Variants in PDE9A observed in about 807,000 individuals in gnomAD.
PDE9A encodes high affinity cGMP-specific 3',5'-cyclic phosphodiesterase 9A.
Under a neutral mutation model 87.4 loss-of-function variants are expected in PDE9A, and 60 were observed. That is an observed-to-expected ratio of 0.69 (90% confidence interval 0.56 to 0.85). PDE9A has a LOEUF of 0.85. Among genes scored for constraint, PDE9A ranks in the 40% least tolerant of loss-of-function variants. The pLI, the probability that PDE9A is intolerant of heterozygous loss-of-function variation, is 0.00. For synonymous variants in PDE9A, 272 were observed against 279.4 expected, an observed-to-expected ratio of 0.97 and a Z score of 0.27; for missense variants, 665 against 779.0, an observed-to-expected ratio of 0.85 and a Z score of 1.74.
Position 42,722,230 on chromosome 21 carries a change from C to A in PDE9A, c.263-9540C>A, listed in dbSNP as rs2050609678. Among the ~76,000 whole-genome samples the A allele has an allele frequency of 1.3e-5, 2 of 152,166 alleles. No homozygotes were observed. The highest frequency in any genetic ancestry group is 2.9e-5 in the Non-Finnish European group (2 of 68,022). On this transcript the variant is annotated intron_variant, in intron 4 of 19. Transcript: ENST00000291539. This position sits in a 1 kb window ranked among gnomAD's most constrained non-coding sequence, Gnocchi z 4.1. ...TGACCTCATGATCCGCCCACCTCAG[C>A]CTCCAGAAGTGCTGAGATTACAGGC...
intron 4 of PDE9A, among the ~76,000 whole-genome samples, chr21:42,718,878 G>A (rs575267370): frequency 3.3e-5 from 5 of 151,836 alleles, no homozygotes; most frequent in African/African-American, 1.2e-4. Flanking sequence ...GAGAGACATT[G>A]GATTTTGTTA....
chr21:42,665,580 C>G (rs535046977), intron 1 of PDE9A, among the ~76,000 whole-genome samples: 2 of 152,308 alleles, frequency 1.3e-5, no homozygotes, highest in South Asian at 4.1e-4. Context: ...TGGCCACCCC[C>G]GACCTTGCTC....
intron 10 of PDE9A, chr21:42,758,651 TGGTGCAG>T: frequency 4.1e-6 from 1 of 244,350 alleles, no homozygotes; most frequent in Non-Finnish European, 8.1e-6. Context: ...AATTCCTTTT[TGGTGCAG>T]TGTTTTGTGA....
Position 42,760,861 on chromosome 21 carries a change from A to G in PDE9A, c.1039A>G (p.Thr347Ala). The G allele has an allele frequency of 6.2e-7, 1 of 1,612,270 alleles. No homozygotes were observed. Among genetic ancestry groups the G allele is most frequent in the Non-Finnish European group, 8.5e-7 (1 of 1,178,336 alleles). Residue 347 changes from threonine to alanine, a missense_variant, in exon 13 of 20, where the codon ACA becomes GCA. Transcript: ENST00000291539. The surrounding 1 kb of genome is among the most constrained non-coding windows in gnomAD (Gnocchi z 5.2). ...FSQTDILILM[T>A]AAICHDLDHP... ...ACAAACGGATATCCTGATCCTAATG[A>G]CAGCGGCCATCTGCCACGATCTGGA... is the stretch of plus-strand genomic sequence containing the variant.
chr21:42,743,724 C>T (rs890318868), intron 7 of PDE9A, 52 bp from the exon 8 acceptor site: 6 of 1,157,302 alleles, frequency 5.2e-6, no homozygotes, highest in Admixed American at 2.0e-5. Context: ...CTTGAGAGAT[C>T]CTCCACATTC....
At chr21:42,748,492 T>C (rs1161593757) in intron 8 of PDE9A, among the ~76,000 whole-genome samples, 1 of 152,176 alleles carries the variant, frequency 6.6e-6, no homozygotes, top group Non-Finnish European at 1.5e-5. Flanking sequence ...GCCGAGAAAA[T>C]AACACCGAAG....
intron 4 of PDE9A, among the ~76,000 whole-genome samples, chr21:42,699,452 C>A (rs116668528): frequency 3.9e-5 from 6 of 152,256 alleles, no homozygotes; most frequent in Non-Finnish European, 7.3e-5. Flanking sequence ...GTCCTCCCCG[C>A]TCCACTGTGA....
intron 7 of PDE9A, chr21:42,734,418 A>G (rs1027416890): frequency 6.6e-6 from 1 of 152,258 alleles, no homozygotes; most frequent in Non-Finnish European, 1.5e-5. Flanking sequence ...CAGCTTGACA[A>G]GTGAACTCTT....
chr21:42,765,425 AG>A lies in PDE9A; in HGVS notation c.1288del (p.Glu430LysfsTer21). The A allele has an allele frequency of 1.2e-6, 2 of 1,612,960 alleles. No individual in the cohort carries two copies. The highest frequency in any genetic ancestry group is 1.7e-6 in the Non-Finnish European group (2 of 1,178,910). On this transcript the variant is annotated frameshift_variant, in exon 15 of 20. Coordinates refer to ENST00000291539, the MANE Select transcript of PDE9A (RefSeq NM_002606.3). LOFTEE classifies it high-confidence loss of function. ...TGGCCACTGACATGGCAAGACATGC[AG>A]AAATTATGGATTCTTTCAAAGAGAA... ...ILATDMARHA[E>X]IMDSFKEKME...
chr21:42,709,808 G>A (rs146088749), intron 4 of PDE9A, among the ~76,000 whole-genome samples: 12 of 152,202 alleles, frequency 7.9e-5, no homozygotes, highest in South Asian at 6.2e-4. Context: ...CTCAGCCTCC[G>A]AGTAGAGACA....
rs897905327 is a variant in PDE9A, at chr21:42,675,606, G to T, written c.70-10586G>T. Among the ~76,000 whole-genome samples, 21 of 152,214 alleles carry T rather than the reference G, an allele frequency of 1.4e-4. No homozygotes were observed. The highest frequency in any genetic ancestry group is 4.8e-4 in the African/African-American group (20 of 41,462). On this transcript the variant is annotated intron_variant, in intron 1 of 19. Coordinates refer to ENST00000291539, the MANE Select transcript of PDE9A (RefSeq NM_002606.3). The surrounding 1 kb of genome is among the most constrained non-coding windows in gnomAD (Gnocchi z 4.3). ...CTGTGTGGATACACGGGCCCGAACG[G>T]CGCCAGCCTCACTGCCTCTGCGTTA... is the stretch of plus-strand genomic sequence containing the variant.
chr21:42,731,094 AT>A (rs1328150718), intron 4 of PDE9A, among the ~76,000 whole-genome samples: 16 of 152,134 alleles, frequency 1.1e-4, no homozygotes, highest in Non-Finnish European at 4.4e-5. Flanking sequence ...AGTACCTGGG[AT>A]TACAGGCATG....
chr21:42,766,342 A>C (rs1352210334), intron 15 of PDE9A, among the ~76,000 whole-genome samples: 1 of 152,100 alleles, frequency 6.6e-6, no homozygotes, highest in African/African-American at 2.4e-5. Context: ...AGAGAGAGAG[A>C]GAGGTGCATG....
intron 14 of PDE9A, among the ~76,000 whole-genome samples, chr21:42,763,776 C>A (rs1414609483): frequency 6.6e-6 from 1 of 152,236 alleles, no homozygotes; most frequent in Non-Finnish European, 1.5e-5. Context: ...AAGATACTCA[C>A]CACCCTCCAG....
intron 1 of PDE9A, among the ~76,000 whole-genome samples, chr21:42,670,451 GTC>G (rs1042298578): frequency 2.0e-5 from 3 of 149,138 alleles, no homozygotes; most frequent in Non-Finnish European, 3.0e-5. Flanking sequence ...CTTATACACA[GTC>G]ACACAGACTT....
At position 42,743,886 on chromosome 21, in the gene PDE9A, C is replaced by A. The variant is rs200078009; in HGVS notation, c.653+26C>A. 41 of 1,435,610 alleles carry A rather than the reference C, an allele frequency of 2.9e-5. No individual in the cohort carries two copies. The East Asian group carries it at 1.0e-3, about 35-fold the overall frequency. The allele number at this position is 1,435,610 out of a possible 1,614,324, so 88.9% of individuals were successfully genotyped here. On this transcript the variant is annotated intron_variant, in intron 8 of 19. Coordinates refer to ENST00000291539, the MANE Select transcript of PDE9A (RefSeq NM_002606.3). Reference sequence around the variant, plus strand: ...GTAGGGTCTGCGCTGGGGCCACGGGCGGCCGGGCCTGGGGAGGGCTCCCCG... The same window carrying A: ...GTAGGGTCTGCGCTGGGGCCACGGGAGGCCGGGCCTGGGGAGGGCTCCCCG...
At chr21:42,769,558 GCA>G (rs56998221) in intron 17 of PDE9A, among the ~76,000 whole-genome samples, 7,743 of 130,046 alleles carry the variant, frequency 0.06, 219 homozygotes, top group Non-Finnish European at 0.075. Context: ...GCACACACAG[GCA>G]CACACACACA....
At chr21:42,767,000 A>G (rs1306739116) in intron 15 of PDE9A, among the ~76,000 whole-genome samples, 2 of 152,116 alleles carry the variant, frequency 1.3e-5, no homozygotes, top group African/African-American at 4.8e-5. Context: ...AGCTGTGCAG[A>G]CCAGAGGCAA....
intron 1 of PDE9A, among the ~76,000 whole-genome samples, chr21:42,654,333 G>T (rs1163905842): frequency 6.6e-6 from 1 of 152,158 alleles, no homozygotes; most frequent in African/African-American, 2.4e-5. Flanking sequence ...TCCGACTGCA[G>T]AGGGGGACTC....
Sources: allele counts gnomAD v4.1 joint callset (sites outside exome capture counted in the v4.1 genomes callset), GRCh38; gene constraint gnomAD v4.1.1; non-coding constraint Gnocchi (gnomAD v3.1); transcripts MANE v1.5; gene names NCBI Gene and HGNC (gene_info 2026-07-23, HGNC 2026-07-21).